Variants in NRXN3 observed in about 807,000 individuals in gnomAD.
The protein encoded by NRXN3 is neurexin 3, also known as neurexin III.
In NRXN3, 32 loss-of-function variants were observed where a neutral mutation model predicts 137.6. The observed-to-expected ratio is 0.23, with a 90% CI of 0.18 to 0.31. The LOEUF is 0.31. Ranked by LOEUF, NRXN3 falls within the 10% of genes least tolerant of loss-of-function variation. NRXN3 has a pLI of 1.00. For missense variants in NRXN3, 1,574 were observed against 2,062.5 expected (o/e 0.76, Z 4.59); for synonymous variants, 798 against 784.5 (o/e 1.02, Z -0.29).
intron 4 of NRXN3, among the ~76,000 whole-genome samples, chr14:78,393,183 A>AT (rs59030425): frequency 0.12 from 17,272 of 147,952 alleles, 1,374 homozygotes; most frequent in East Asian, 0.3. Context: ...AATACATGTG[A>AT]TTTTTTTTTT....
At chr14:78,569,560 C>A (rs1487216165) in intron 4 of NRXN3, among the ~76,000 whole-genome samples, 1 of 151,348 alleles carries the variant, frequency 6.6e-6, no homozygotes, top group Non-Finnish European at 1.5e-5. Context: ...CCACCGCGTC[C>A]GGCCGCCTTT....
chr14:79,400,550 A>G (rs934945195), intron 15 of NRXN3, among the ~76,000 whole-genome samples: 8 of 152,170 alleles, frequency 5.3e-5, no homozygotes, highest in Non-Finnish European at 8.8e-5. Context: ...ATTAGTTCCA[A>G]AGTCTACTAT....
chr14:79,472,332 GT>G (rs1430034218), intron 16 of NRXN3, among the ~76,000 whole-genome samples: 1 of 152,052 alleles, frequency 6.6e-6, no homozygotes, highest in Non-Finnish European at 1.5e-5. Flanking sequence ...AGTTAAATAG[GT>G]TTTGACAAAA....
At chr14:79,803,899 GTATA>G (rs36091682) in intron 19 of NRXN3, among the ~76,000 whole-genome samples, 13 of 144,826 alleles carry the variant, frequency 9.0e-5, no homozygotes, top group Non-Finnish European at 1.5e-4. Flanking sequence ...AAGTGTGTGT[GTATA>G]TATATATATG....
intron 15 of NRXN3, among the ~76,000 whole-genome samples, chr14:79,119,089 T>G (rs2054975221): frequency 6.6e-6 from 1 of 152,196 alleles, no homozygotes; most frequent in Non-Finnish European, 1.5e-5. Context: ...AGATGGTAAA[T>G]TCCTCTTCAA....
intron 15 of NRXN3, chr14:79,279,885 C>T: frequency 9.8e-7 from 1 of 1,016,682 alleles, no homozygotes; most frequent in Non-Finnish European, 1.2e-6. Flanking sequence ...GCCTCCTTCT[C>T]TTCCTTCATT....
intron 4 of NRXN3, among the ~76,000 whole-genome samples, chr14:78,568,658 G>A (rs1448775110): frequency 1.3e-5 from 2 of 152,186 alleles, no homozygotes; most frequent in South Asian, 2.1e-4. Flanking sequence ...CATCTTACAA[G>A]CAATATGTCT....
At chr14:79,267,379 GAC>G (rs1274938266) in intron 15 of NRXN3, among the ~76,000 whole-genome samples, 3 of 140,548 alleles carry the variant, frequency 2.1e-5, no homozygotes, top group Admixed American at 7.0e-5. Context: ...TTTTTTTTGA[GAC>G]AGAGTCTCTC....
At chr14:79,430,680 C>G in intron 15 of NRXN3, among the ~76,000 whole-genome samples, 1 of 152,288 alleles carries the variant, frequency 6.6e-6, no homozygotes, top group African/African-American at 2.4e-5. Flanking sequence ...TTTCTGCTCA[C>G]TGCAATAGGA....
In NRXN3 at chr14:78,831,552, A is replaced by C. The variant is rs887173692; in HGVS notation, c.2275+21208A>C. Among the ~76,000 whole-genome samples, 86 of 150,570 alleles carry C rather than the reference A, an allele frequency of 5.7e-4. 1 individual carries two copies. Among genetic ancestry groups the C allele is most frequent in the African/African-American group, 2.0e-3 (81 of 40,696 alleles). ...TCCATGTCAAAAAAAAAAAAAAAAA[A>C]AAAAAAAAACAACAACAGAACAATA... On this transcript the variant is annotated intron_variant, in intron 10 of 20. Transcript: ENST00000335750.
At chr14:79,223,135 A>G (rs1272237752) in intron 15 of NRXN3, among the ~76,000 whole-genome samples, 1 of 152,138 alleles carries the variant, frequency 6.6e-6, no homozygotes, top group African/African-American at 2.4e-5. Context: ...CTCTTTCACA[A>G]TAATTCCAGT....
At chr14:79,479,218 A>C (rs76780765) in intron 16 of NRXN3, among the ~76,000 whole-genome samples, 3,624 of 152,060 alleles carry the variant, frequency 0.024, 151 homozygotes, top group African/African-American at 0.083. Flanking sequence ...ATGGCTAAAA[A>C]CCCATATTCT....
chr14:79,640,170 T>C lies in NRXN3; in HGVS notation c.3445-23608T>C, dbSNP rs550054242. 2.9e-5 allele frequency among the ~76,000 whole-genome samples: 4 copies of C among 135,800 alleles called. No individual in the cohort carries two copies. In the East Asian group the frequency reaches 7.8e-4, roughly 27 times the overall value. 89.1% of individuals were successfully genotyped at this position (135,800 alleles called of 152,430 possible). ...AAAGTAGTGAATTGACTTTTTTTCCTTGGATTTTGAAATAAATGGCAATAA... is the reference window on the plus strand; with the variant it reads ...AAAGTAGTGAATTGACTTTTTTTCCCTGGATTTTGAAATAAATGGCAATAA... On this transcript the variant is annotated intron_variant, in intron 16 of 20. Transcript: ENST00000335750.
intron 19 of NRXN3, among the ~76,000 whole-genome samples, chr14:79,776,867 C>T (rs745325985): frequency 1.3e-5 from 2 of 152,184 alleles, no homozygotes; most frequent in African/African-American, 2.4e-5. Flanking sequence ...ATGCACTGAT[C>T]GCCAACTGCA....
rs1486851079 is a variant in NRXN3, at chr14:79,864,077, C to G, written c.*2113C>G. 6.6e-6 allele frequency: 1 copy of G among 152,398 alleles called. No individual in the cohort carries two copies. The highest frequency in any genetic ancestry group is 1.5e-5 in the Non-Finnish European group (1 of 67,988). The allele number at this position is 152,398 out of a possible 1,614,324, so 9.4% of individuals were successfully genotyped here. A position where few individuals can be genotyped will look rare whatever the true frequency, so the allele number is the denominator to read the frequency against. ...CACGATTTTAGATAACCTAAACGGCCCAGCCTATACGAAGTTGATTATATC... is the reference window on the plus strand; with the variant it reads ...CACGATTTTAGATAACCTAAACGGCGCAGCCTATACGAAGTTGATTATATC... On this transcript the variant is annotated 3_prime_UTR_variant, in exon 21 of 21. Coordinates refer to ENST00000335750, the MANE Select transcript of NRXN3 (RefSeq NM_001330195.2).
At chr14:78,434,154 A>G (rs748297750) in intron 4 of NRXN3, among the ~76,000 whole-genome samples, 8 of 152,188 alleles carry the variant, frequency 5.3e-5, no homozygotes, top group Non-Finnish European at 8.8e-5. Flanking sequence ...GAAAAACAGA[A>G]TGGTTGTATG....
Position 79,644,758 on chromosome 14 carries a change from C to G in NRXN3, c.3445-19020C>G, listed in dbSNP as rs1299809269. Among the ~76,000 whole-genome samples the G allele has an allele frequency of 2.2e-5, 3 of 135,300 alleles. 1 individual carries two copies. Among genetic ancestry groups the G allele is most frequent in the Admixed American group, 1.6e-4 (2 of 12,782 alleles). The allele number at this position is 135,300 out of a possible 152,430, so 88.8% of individuals were successfully genotyped here. ...CAAGTCAATAATTATTGTAGTGCAC[C>G]TAATGATTCTCTGATATGTGTTTTG... On this transcript the variant is annotated intron_variant, in intron 16 of 20. Coordinates refer to ENST00000335750, the MANE Select transcript of NRXN3 (RefSeq NM_001330195.2).
chr14:78,993,944 G>C (rs1260804846), intron 15 of NRXN3, among the ~76,000 whole-genome samples: 1 of 146,286 alleles, frequency 6.8e-6, no homozygotes, highest in Non-Finnish European at 1.5e-5. Flanking sequence ...CCGCCTCTTG[G>C]GTTCAAGTGA....
chr14:79,030,627 CT>C (rs2099606285), intron 15 of NRXN3, among the ~76,000 whole-genome samples: 1 of 97,152 alleles, frequency 1.0e-5, no homozygotes, highest in Non-Finnish European at 2.0e-5. Flanking sequence ...TTGTCTCTTT[CT>C]CTGTGTCTTT....
Sources: gnomAD v4.1 joint callset for allele counts (sites outside exome capture counted in the v4.1 genomes callset) on GRCh38, gnomAD v4.1.1 for gene constraint, MANE v1.5 for transcripts, NCBI Gene and HGNC (gene_info 2026-07-23, HGNC 2026-07-21) for gene names.